RMI1: variants seen among roughly 807,000 people sequenced by gnomAD.
RMI1 encodes RecQ mediated genome instability 1, also known as recQ-mediated genome instability protein 1.
Under a neutral mutation model 46.7 loss-of-function variants are expected in RMI1, and 36 were observed. The ratio of observed to expected loss-of-function variants is 0.77; its 90% CI spans 0.59 to 1.02. RMI1 has a LOEUF of 1.02. Among genes scored for constraint, RMI1 ranks in the 50% least tolerant of loss-of-function variants. RMI1 has a pLI of 0.00. For synonymous variants in RMI1, 250 were observed against 252.9 expected, an observed-to-expected ratio of 0.99 and a Z score of 0.11; for missense variants, 676 against 713.7, an observed-to-expected ratio of 0.95 and a Z score of 0.60.
chr9:83,982,411 C>A (rs1036321557), intron 1 of RMI1, among the ~76,000 whole-genome samples: 11 of 152,272 alleles, frequency 7.2e-5, no homozygotes, highest in Admixed American at 6.5e-4. Context: ...CGCCTGTAAT[C>A]CCAGCACTTT....
At position 84,002,808 on chromosome 9, in the gene RMI1, T is replaced by C. The variant is rs368017946; in HGVS notation, c.1822T>C (p.Leu608=). 18 of 1,600,598 alleles carry C rather than the reference T, an allele frequency of 1.1e-5. No homozygotes were observed. Among genetic ancestry groups the C allele is most frequent in the Non-Finnish European group, 1.5e-5 (17 of 1,169,582 alleles). ...PSLSKAMVLA[L]QDVNMEHLEN... is the part of the protein sequence containing the mutation. ...CTTGTCTAAAGCAATGGTACTGGCA[T>C]TACAAGATGTTAATATGGAACACCT... Residue 608 remains leucine (L), a synonymous_variant, in exon 3 of 3, where the codon TTA becomes CTA. Coordinates refer to ENST00000445877, the MANE Select transcript of RMI1 (RefSeq NM_001358291.2).
intron 1 of RMI1, among the ~76,000 whole-genome samples, chr9:83,988,494 G>C (rs977436477): frequency 2.0e-5 from 3 of 152,086 alleles, no homozygotes; most frequent in African/African-American, 4.8e-5. Flanking sequence ...GGTAGAGACA[G>C]AGTTTTGCTG....
At position 84,001,064 on chromosome 9, in the gene RMI1, G is replaced by T. The variant is rs752674098; in HGVS notation, c.78G>T (p.Trp26Cys). The change falls in exon 3 of 3, where the codon TGG becomes TGT. Residue 26 changes from tryptophan (W) to cysteine (C), a missense_variant. Coordinates refer to ENST00000445877, the MANE Select transcript of RMI1 (RefSeq NM_001358291.2). ...GGCATGTTAAAGTACCTCCGATGTG[G>T]CTGGAAGCTTGTATTAACTGGATTC... ...AAWHVKVPPM[W>C]LEACINWIQE... The T allele has an allele frequency of 3.1e-6, 5 of 1,614,020 alleles. No homozygotes were observed. The highest frequency in any genetic ancestry group is 4.2e-6 in the Non-Finnish European group (5 of 1,179,948).
intron 1 of RMI1, among the ~76,000 whole-genome samples, chr9:83,990,801 T>TTTTA (rs969390982): frequency 6.6e-6 from 1 of 151,954 alleles, no homozygotes; most frequent in African/African-American, 2.4e-5. Context: ...CTTTCTTTCT[T>TTTTA]TTTATTTATT....
At chr9:83,991,162 C>G (rs1957568370) in intron 1 of RMI1, among the ~76,000 whole-genome samples, 1 of 152,142 alleles carries the variant, frequency 6.6e-6, no homozygotes, top group Non-Finnish European at 1.5e-5. Context: ...GGATATTTCT[C>G]TTGTCAATTA....
Position 84,001,467 on chromosome 9 carries a change from C to T in RMI1, c.481C>T (p.Leu161Phe). The T allele has an allele frequency of 3.7e-6, 6 of 1,614,066 alleles. No homozygotes were observed. The highest frequency in any genetic ancestry group is 4.2e-6 in the Non-Finnish European group (5 of 1,179,982). ...GCCTATTCCAATTCTTCATAGTGAT[C>T]TTCCTCCAGGTACAAAAATTTTGAT... is the stretch of plus-strand genomic sequence containing the variant. The part of the protein sequence containing the change: ...YQPIPILHSD[L>F]PPGTKILIYG... The change falls in exon 3 of 3, where the codon CTT becomes TTT. Residue 161 changes from leucine to phenylalanine, a missense_variant. Leu to Phe is a conservative substitution (Grantham distance 22). Coordinates refer to ENST00000445877, the MANE Select transcript of RMI1 (RefSeq NM_001358291.2).
At chr9:83,992,263 T>A (rs1372638558) in intron 1 of RMI1, among the ~76,000 whole-genome samples, 4 of 152,174 alleles carry the variant, frequency 2.6e-5, no homozygotes, top group Non-Finnish European at 2.9e-5. Flanking sequence ...TATTTGAAGG[T>A]TTAAAGACAC....
rs1957681396 is a variant in RMI1, at chr9:83,997,852, A to G, written c.-125-1857A>G. Among the ~76,000 whole-genome samples, 3 of 150,654 alleles carry G rather than the reference A, an allele frequency of 2.0e-5. No individual in the cohort carries two copies. The South Asian group carries it at 6.3e-4, about 31-fold the overall frequency. ...TTGCTCTGTCGCCCAGGTGGAGTAC[A>G]GTGGTGCAGTCATAGCTCATGGTAG... On this transcript the variant is annotated intron_variant, in intron 1 of 2. Coordinates refer to ENST00000445877, the MANE Select transcript of RMI1 (RefSeq NM_001358291.2).
At chr9:83,985,091 C>T (rs1408472435) in intron 1 of RMI1, among the ~76,000 whole-genome samples, 1 of 152,158 alleles carries the variant, frequency 6.6e-6, no homozygotes, top group Middle Eastern at 3.4e-3. Flanking sequence ...GGACTAGATG[C>T]CATTAATATA....
At chr9:83,994,967 T>C (rs1451658940) in intron 1 of RMI1, among the ~76,000 whole-genome samples, 1 of 152,202 alleles carries the variant, frequency 6.6e-6, no homozygotes, top group East Asian at 1.9e-4. Context: ...TTTTTCAACC[T>C]AGAAAATAAT....
chr9:83,983,697 T>C (rs1957451200), intron 1 of RMI1, among the ~76,000 whole-genome samples: 1 of 152,012 alleles, frequency 6.6e-6, no homozygotes, highest in African/African-American at 2.4e-5. Flanking sequence ...GATAAAATTT[T>C]CCCACTTTAT....
At position 83,985,980 on chromosome 9, in the gene RMI1, G is replaced by T. The variant is rs185168046; in HGVS notation, c.-126+5089G>T. ...GGCGAGATTGCACCACCGCACTCCAGCCTGGGCGACAGAGCAAGACTCCAA... is the reference window on the plus strand; with the variant it reads ...GGCGAGATTGCACCACCGCACTCCATCCTGGGCGACAGAGCAAGACTCCAA... On this transcript the variant is annotated intron_variant, in intron 1 of 2. Transcript: ENST00000445877. Among the ~76,000 whole-genome samples, 434 of 152,168 alleles carry T rather than the reference G, an allele frequency of 2.9e-3. 5 individuals carry two copies. The highest frequency in any genetic ancestry group is 2.3e-3 in the Non-Finnish European group (156 of 68,014).
rs184350569 is a variant in RMI1, at chr9:83,994,366, A to G, written c.-125-5343A>G. On this transcript the variant is annotated intron_variant, in intron 1 of 2. Transcript: ENST00000445877. ...CTTTTGGTGTCATATCCAAGAAATC[A>G]TAGCCCATTTCAATGTCATGAAGCT... is the stretch of plus-strand genomic sequence containing the variant. Among the ~76,000 whole-genome samples, 630 of 152,308 alleles carry G rather than the reference A, an allele frequency of 4.1e-3. 2 individuals carry two copies. Among genetic ancestry groups the G allele is most frequent in the African/African-American group, 0.015 (608 of 41,560 alleles).
At chr9:84,000,359 T>C (rs1204328000) in intron 2 of RMI1, among the ~76,000 whole-genome samples, 2 of 152,210 alleles carry the variant, frequency 1.3e-5, no homozygotes, top group Non-Finnish European at 2.9e-5. Context: ...TTCCGAATAG[T>C]GTGATGAAAT....
At chr9:83,988,843 T>G (rs1293781196) in intron 1 of RMI1, among the ~76,000 whole-genome samples, 1 of 152,124 alleles carries the variant, frequency 6.6e-6, no homozygotes, top group African/African-American at 2.4e-5. Context: ...TTCCATATCG[T>G]TTTTCTTTTA....
chr9:84,002,936 TATG>T lies in RMI1; in HGVS notation c.*75_*77del, dbSNP rs749962211. On this transcript the variant is annotated 3_prime_UTR_variant, in exon 3 of 3. Coordinates refer to ENST00000445877, the MANE Select transcript of RMI1 (RefSeq NM_001358291.2). ...TTTAGAATTTGTTCACAATTTTACT[TATG>T]ATACTTTGTGTAAAAAGGAAAAATG... is the stretch of plus-strand genomic sequence containing the variant. The T allele has an allele frequency of 2.1e-4, 196 of 930,422 alleles. 1 individual carries two copies. Among genetic ancestry groups the T allele is most frequent in the Non-Finnish European group, 1.8e-4 (114 of 641,942 alleles). 57.6% of individuals were successfully genotyped at this position (930,422 alleles called of 1,614,324 possible).
Position 84,004,015 on chromosome 9 carries a change from TTAAAA to T in RMI1, c.*1155_*1159del, listed in dbSNP as rs1255031934. The T allele has an allele frequency of 6.2e-6, 1 of 160,570 alleles. No homozygotes were observed. The highest frequency in any genetic ancestry group is 1.5e-5 in the Non-Finnish European group (1 of 68,076). The allele number at this position is 160,570 out of a possible 1,614,324, so 9.9% of individuals were successfully genotyped here. Reference sequence around the variant, plus strand: ...ATGTTGTTTTTATTAATCTTTTGTCTTAAAATAATTTAAAGTGCTTTGAATTTTAA... The same window carrying T: ...ATGTTGTTTTTATTAATCTTTTGTCTTAATTTAAAGTGCTTTGAATTTTAA... On this transcript the variant is annotated 3_prime_UTR_variant, in exon 3 of 3. Transcript: ENST00000445877.
At chr9:83,998,168 C>T (rs1218874836) in intron 1 of RMI1, among the ~76,000 whole-genome samples, 3 of 152,154 alleles carry the variant, frequency 2.0e-5, no homozygotes, top group African/African-American at 7.2e-5. Context: ...TTAAAGAGAC[C>T]TGCTCATTTG....
intron 1 of RMI1, among the ~76,000 whole-genome samples, chr9:83,994,573 G>A (rs1957622782): frequency 6.6e-6 from 1 of 152,136 alleles, no homozygotes; most frequent in Non-Finnish European, 1.5e-5. Context: ...CCATTGTGGA[G>A]TCTTGGCACC....
Sources: gnomAD v4.1 joint callset for allele counts (sites outside exome capture counted in the v4.1 genomes callset) on GRCh38, gnomAD v4.1.1 for gene constraint, MANE v1.5 for transcripts, NCBI Gene and HGNC (gene_info 2026-07-23, HGNC 2026-07-21) for gene names.